The following ENTREP2 variants were observed in gnomAD, a reference collection of about 807,000 sequenced individuals.
The protein encoded by ENTREP2 is endosomal transmembrane epsin interactor 2, also known as protein ENTREP2.
the ENTREP2 span, among the ~76,000 whole-genome samples, chr15:29,478,027 T>A: frequency 2.4e-4 from 30 of 125,654 alleles, no homozygotes; most frequent in African/African-American, 9.6e-4. Context: ...ATATTTTTTT[T>A]TTTTTTTTTT....
chr15:29,505,990 A>G, the ENTREP2 span, among the ~76,000 whole-genome samples: 1 of 152,130 alleles, frequency 6.6e-6, no homozygotes, highest in Non-Finnish European at 1.5e-5. The surrounding 1 kb of genome is among the most constrained non-coding windows in gnomAD (Gnocchi z 4.3). Flanking sequence ...GTTCTCATCC[A>G]ATGCAAGGAC....
At chr15:29,150,789 A>G in the ENTREP2 span, among the ~76,000 whole-genome samples, 22 of 152,268 alleles carry the variant, frequency 1.4e-4, no homozygotes, top group Admixed American at 6.5e-5. Context: ...AATGACAAAG[A>G]AGAGCACATT....
chr15:29,378,774 G>C, the ENTREP2 span, among the ~76,000 whole-genome samples: 6 of 151,888 alleles, frequency 4.0e-5, no homozygotes, highest in East Asian at 1.2e-3. Flanking sequence ...TTATAACCTA[G>C]ATATATATAT....
the ENTREP2 span, among the ~76,000 whole-genome samples, chr15:29,531,113 T>C: frequency 7.0e-4 from 106 of 152,368 alleles, no homozygotes; most frequent in Middle Eastern, 3.4e-3. Flanking sequence ...TCAGGTAGGC[T>C]GTGTTCTACC....
At chr15:29,457,796 T>G in the ENTREP2 span, among the ~76,000 whole-genome samples, 1 of 152,208 alleles carries the variant, frequency 6.6e-6, no homozygotes, top group Admixed American at 6.5e-5. Context: ...GATTTGCAGT[T>G]TGATTTTGCT....
the ENTREP2 span, among the ~76,000 whole-genome samples, chr15:29,327,290 C>T: frequency 6.6e-3 from 1,003 of 152,112 alleles, 9 homozygotes; most frequent in African/African-American, 0.023. Flanking sequence ...AACAAAATGT[C>T]TAACTTTAAA....
chr15:29,375,495 C>T, the ENTREP2 span: 1 of 152,314 alleles, frequency 6.6e-6, no homozygotes, highest in Admixed American at 6.5e-5. Context: ...CTCCTTAACT[C>T]AGCAGGACTG....
chr15:29,326,697 G>A, the ENTREP2 span, among the ~76,000 whole-genome samples: 1 of 152,048 alleles, frequency 6.6e-6, no homozygotes. Flanking sequence ...CTATTTTGTA[G>A]ATAAAAGCTG....
chr15:29,524,907 C>T, the ENTREP2 span, among the ~76,000 whole-genome samples: 129 of 152,366 alleles, frequency 8.5e-4, no homozygotes, highest in African/African-American at 2.8e-3. Flanking sequence ...ACTCCCGGCT[C>T]GAATGCCTGG....
At chr15:29,489,366 T>C in the ENTREP2 span, among the ~76,000 whole-genome samples, 1 of 152,288 alleles carries the variant, frequency 6.6e-6, no homozygotes, top group Admixed American at 6.5e-5. Context: ...AACCATGAAC[T>C]GCCAAGGACA....
chr15:29,657,896 C>T, the ENTREP2 span, among the ~76,000 whole-genome samples: 1 of 152,000 alleles, frequency 6.6e-6, no homozygotes, highest in African/African-American at 2.4e-5. Flanking sequence ...AAATATTACT[C>T]AGCAGTAAAA....
the ENTREP2 span, among the ~76,000 whole-genome samples, chr15:29,327,049 A>G: frequency 1.9e-4 from 29 of 152,266 alleles, no homozygotes; most frequent in South Asian, 5.0e-3. Flanking sequence ...CTTACACCTT[A>G]CTCAAAAAAT....
the ENTREP2 span, among the ~76,000 whole-genome samples, chr15:29,188,816 A>G: frequency 6.6e-6 from 1 of 152,220 alleles, no homozygotes; most frequent in South Asian, 2.1e-4. Context: ...GAGAAGGGAC[A>G]GAGGCTGGAA....
the ENTREP2 span, among the ~76,000 whole-genome samples, chr15:29,239,967 G>A: frequency 6.6e-6 from 1 of 152,084 alleles, no homozygotes; most frequent in African/African-American, 2.4e-5. Context: ...CTCCGCTGTC[G>A]GGTGTTTCTC....
the ENTREP2 span, chr15:29,136,571 C>T: frequency 6.6e-7 from 1 of 1,509,532 alleles, no homozygotes; most frequent in Non-Finnish European, 8.8e-7. Context: ...GCTCTCAAAG[C>T]CGCCAGAGCA....
At chr15:29,541,822 G>A in the ENTREP2 span, among the ~76,000 whole-genome samples, 1 of 152,156 alleles carries the variant, frequency 6.6e-6, no homozygotes, top group Non-Finnish European at 1.5e-5. Flanking sequence ...TCGTGGGGAA[G>A]AAAGGGAAGG....
the ENTREP2 span, among the ~76,000 whole-genome samples, chr15:29,206,058 G>A: frequency 2.6e-5 from 4 of 152,196 alleles, no homozygotes; most frequent in South Asian, 6.2e-4. Flanking sequence ...GACACAGGAC[G>A]ACATAACTGC....
the ENTREP2 span, among the ~76,000 whole-genome samples, chr15:29,631,822 C>A: frequency 1.3e-5 from 2 of 152,220 alleles, no homozygotes; most frequent in Non-Finnish European, 1.5e-5. Flanking sequence ...TTGCTGCCAA[C>A]AGCTGCCACC....
the ENTREP2 span, among the ~76,000 whole-genome samples, chr15:29,216,331 A>G: frequency 1.3e-5 from 2 of 152,164 alleles, no homozygotes; most frequent in Non-Finnish European, 2.9e-5. Flanking sequence ...CTGCTGAGAA[A>G]TCTGCTGTTA....
Sources: allele counts gnomAD v4.1 joint callset (sites outside exome capture counted in the v4.1 genomes callset), GRCh38; gene constraint gnomAD v4.1.1; non-coding constraint Gnocchi (gnomAD v3.1); transcripts MANE v1.5; gene names NCBI Gene and HGNC (gene_info 2026-07-23, HGNC 2026-07-21).